Variants in PLAA observed in about 807,000 individuals in gnomAD.
PLAA encodes the protein phospholipase A2 activating protein.
PLAA carries 48 observed loss-of-function variants against 84.1 expected under a neutral mutation model. That is an observed-to-expected ratio of 0.57 (90% CI 0.45 to 0.73). The LOEUF (loss-of-function observed/expected upper bound fraction) is 0.73, where lower values mean the gene tolerates loss of function less well. Among genes scored for constraint, PLAA ranks in the 30% least tolerant of loss-of-function variants. PLAA has a pLI of 0.00. For synonymous variants in PLAA, 392 were observed against 336.6 expected (o/e 1.16, Z -1.80); for missense variants, 903 against 954.7 (o/e 0.95, Z 0.71).
intron 10 of PLAA, chr9:26,916,676 T>A (rs1824573250): frequency 1.0e-6 from 1 of 993,714 alleles, no homozygotes; most frequent in Non-Finnish European, 1.2e-6. Context: ...GCACTCATGC[T>A]GTGTCTTGGT....
rs146026696 is a variant in PLAA, at chr9:26,911,430, C to T, written c.1556-991G>A. Among the ~76,000 whole-genome samples, 764 of 152,224 alleles carry T rather than the reference C, an allele frequency of 5.0e-3. 3 individuals carry two copies. The highest frequency in any genetic ancestry group is 8.0e-3 in the Non-Finnish European group (541 of 68,006). ...CCTCCCAAAGTGCTGGGATTACAGG[C>T]ATAAGCCACCATGCCCAGCCTAATT... On this transcript the variant is annotated intron_variant, in intron 11 of 13. Coordinates refer to ENST00000397292, the MANE Select transcript of PLAA (RefSeq NM_001031689.3).
rs527938551 is a variant in PLAA at position 26,907,806 on chromosome 9, G to T, written c.1822+28C>A. 3.8e-6 allele frequency: 6 copies of T among 1,565,990 alleles called. No individual in the cohort carries two copies. In the South Asian group the frequency reaches 7.3e-5, roughly 19 times the overall value. On this transcript the variant is annotated intron_variant, in intron 13 of 13. Transcript: ENST00000397292. ...TGAAGATAAAACTTCTTGCTTTCTGGTTACATTTTTGAAGAGTGTTTATTT... is the reference window on the plus strand; with the variant it reads ...TGAAGATAAAACTTCTTGCTTTCTGTTTACATTTTTGAAGAGTGTTTATTT...
chr9:26,914,957 A>T (rs1267667788), intron 10 of PLAA, among the ~76,000 whole-genome samples: 1 of 152,250 alleles, frequency 6.6e-6, no homozygotes, highest in Non-Finnish European at 1.5e-5. Flanking sequence ...TCACGCCTGT[A>T]AACCCAGCAC....
At position 26,910,431 on chromosome 9, in the gene PLAA, C is replaced by T. The variant is rs772530492; in HGVS notation, c.1564G>A (p.Ala522Thr). 6.2e-7 allele frequency: 1 copy of T among 1,608,984 alleles called. No homozygotes were observed. Among genetic ancestry groups the T allele is most frequent in the Non-Finnish European group, 8.5e-7 (1 of 1,175,866 alleles). Reference protein sequence around the residue: ...AGVDPFTGNSAYRSAASKTMN... With the variant: ...AGVDPFTGNSTYRSAASKTMN... ...GTTTTAGATGCAGCTGATCGGTAGGCACTATTCCCTATTTAAAGAATAGAA... is the reference window on the plus strand; with the variant it reads ...GTTTTAGATGCAGCTGATCGGTAGGTACTATTCCCTATTTAAAGAATAGAA... The change falls in exon 12 of 14, where the codon GCC becomes ACC. Residue 522 changes from alanine to threonine, a missense_variant. By Grantham distance (58) the Ala-to-Thr change is moderately conservative (BLOSUM62 0). Coordinates refer to ENST00000397292, the MANE Select transcript of PLAA (RefSeq NM_001031689.3).
chr9:26,929,181 G>A (rs1372645586), intron 2 of PLAA, among the ~76,000 whole-genome samples: 2 of 151,868 alleles, frequency 1.3e-5, no homozygotes, highest in African/African-American at 4.8e-5. Context: ...ACGCCTGGGT[G>A]ACACAGCAAG....
chr9:26,926,921 C>G (rs1360365067), intron 4 of PLAA, among the ~76,000 whole-genome samples: 1 of 151,446 alleles, frequency 6.6e-6, no homozygotes, highest in African/African-American at 2.4e-5. Context: ...AAATATATAA[C>G]AAAGAGTAGC....
chr9:26,928,593 C>G (rs545605052), intron 2 of PLAA, among the ~76,000 whole-genome samples, 185 bp from the exon 3 acceptor site: 6 of 152,328 alleles, frequency 3.9e-5, no homozygotes, highest in Admixed American at 3.9e-4. Flanking sequence ...TGCCAGACTG[C>G]CTGGGCGCAA....
chr9:26,911,721 T>C (rs1355953215), intron 11 of PLAA, among the ~76,000 whole-genome samples: 1 of 152,250 alleles, frequency 6.6e-6, no homozygotes, highest in Non-Finnish European at 1.5e-5. Context: ...GACCTTCAAC[T>C]AAAGTATAAT....
At position 26,945,727 on chromosome 9, in the gene PLAA, C is replaced by T. The variant is rs1421817319; in HGVS notation, c.149+1170G>A. Among the ~76,000 whole-genome samples, 9 of 152,302 alleles carry T rather than the reference C, an allele frequency of 5.9e-5. No individual in the cohort carries two copies. The South Asian group carries it at 1.9e-3, about 32-fold the overall frequency. Reference sequence around the variant, plus strand: ...ACCTGGCTCTTGCCAGCCTCAAAACCTGCCCTCACCTCACAGCTAATTCCC... The same window carrying T: ...ACCTGGCTCTTGCCAGCCTCAAAACTTGCCCTCACCTCACAGCTAATTCCC... On this transcript the variant is annotated intron_variant, in intron 1 of 13. Transcript: ENST00000397292.
Position 26,905,334 on chromosome 9 carries a change from C to G in PLAA, c.*177G>C. On this transcript the variant is annotated 3_prime_UTR_variant, in exon 14 of 14. Coordinates refer to ENST00000397292, the MANE Select transcript of PLAA (RefSeq NM_001031689.3). ...ATCTACCCAAATTACACAGGAAAAT[C>G]TCACAGTTCAGCAGTGCAAAAATTT... The G allele has an allele frequency of 1.8e-6, 1 of 554,916 alleles. No individual in the cohort carries two copies. The highest frequency in any genetic ancestry group is 3.2e-6 in the Non-Finnish European group (1 of 316,812). 34.4% of individuals were successfully genotyped at this position (554,916 alleles called of 1,614,324 possible). A position where few individuals can be genotyped will look rare whatever the true frequency, so the allele number is the denominator to read the frequency against.
chr9:26,908,478 T>C (rs1171103121), intron 12 of PLAA, among the ~76,000 whole-genome samples: 3 of 149,286 alleles, frequency 2.0e-5, no homozygotes, highest in Non-Finnish European at 4.4e-5. Flanking sequence ...ATTATTATTA[T>C]TTTGAGATGG....
intron 10 of PLAA, chr9:26,916,717 G>A: frequency 1.0e-6 from 1 of 991,170 alleles, no homozygotes; most frequent in Non-Finnish European, 1.2e-6. Flanking sequence ...TAATTTCACA[G>A]ATAAAAAAAA....
At position 26,928,341 on chromosome 9, in the gene PLAA, G is replaced by C. The variant is rs770003723; in HGVS notation, c.411C>G (p.Val137=). 5 of 1,613,996 alleles carry C rather than the reference G, an allele frequency of 3.1e-6. No individual in the cohort carries two copies. The South Asian group carries it at 5.5e-5, about 18-fold the overall frequency. The stretch of plus-strand genomic sequence containing the variant: ...TCATCATGCACTTGTCATTCAGCCA[G>C]ACTTTAGCAGTGGTGTCCCATGAAC... ...LSGSWDTTAK[V]WLNDKCMMTL... The change falls in exon 3 of 14, where the codon GTC becomes GTG. Residue 137 remains valine, a synonymous_variant. Transcript: ENST00000397292.
chr9:26,920,144 A>C (rs1824712092), intron 8 of PLAA, 83 bp downstream of exon 8: 4 of 1,138,652 alleles, frequency 3.5e-6, no homozygotes. Flanking sequence ...AACAAAGGAA[A>C]TTTTATCACT....
intron 1 of PLAA, among the ~76,000 whole-genome samples, chr9:26,935,978 T>C (rs555034813): frequency 3.7e-4 from 57 of 152,006 alleles, no homozygotes; most frequent in Non-Finnish European, 6.8e-4. Context: ...ACTGCCTTAC[T>C]TAACAAGTTC....
chr9:26,916,578 G>A (rs1391743342), intron 10 of PLAA: 6 of 986,986 alleles, frequency 6.1e-6, no homozygotes, highest in Non-Finnish European at 7.2e-6. Context: ...TATGCCTGGG[G>A]AGACTTCTTG....
rs1368126452 is a variant in PLAA, at chr9:26,910,418, G to A, written c.1577C>T (p.Ala526Val). 6.2e-7 allele frequency: 1 copy of A among 1,612,686 alleles called. No individual in the cohort carries two copies. Among genetic ancestry groups the A allele is most frequent in the Admixed American group, 1.7e-5 (1 of 59,988 alleles). ...ATAAATATTCATTGTTTTAGATGCA[G>A]CTGATCGGTAGGCACTATTCCCTAT... ...PFTGNSAYRS[A>V]ASKTMNIYFP... The change falls in exon 12 of 14, where the codon GCT (alanine) becomes GTT (valine). Residue 526 changes from alanine to valine, a missense_variant. Transcript: ENST00000397292.
rs773630798 is a variant in PLAA, at chr9:26,920,368, C to G, written c.1056G>C (p.Gln352His). Residue 352 changes from glutamine to histidine, a missense_variant, in exon 8 of 14, where the codon CAG (glutamine) becomes CAC (histidine). Physicochemically the swap from Gln to His is conservative, Grantham distance 24. Transcript: ENST00000397292. ...TCTCCCCATCTCTGATTAGACGAGT[C>G]TGTCCTTCTCTAGTACCTTAAAATA... The part of the protein sequence containing the change: ...HLNEPGTREG[Q>H]TRLIRDGEKV... 3.7e-6 allele frequency: 6 copies of G among 1,611,196 alleles called. No individual in the cohort carries two copies. The highest frequency in any genetic ancestry group is 1.1e-5 in the South Asian group (1 of 90,684).
chr9:26,929,854 G>C lies in PLAA; in HGVS notation c.344-1446C>G, dbSNP rs563441423. On this transcript the variant is annotated intron_variant, in intron 2 of 13. Transcript: ENST00000397292. ...TTGGATTGTTTGATGAAGCTGAATCGTTGATGACCAGAAAGCATGCTGTGG... is the reference window on the plus strand; with the variant it reads ...TTGGATTGTTTGATGAAGCTGAATCCTTGATGACCAGAAAGCATGCTGTGG... 6.6e-5 allele frequency among the ~76,000 whole-genome samples: 10 copies of C among 152,228 alleles called. No individual in the cohort carries two copies. The South Asian group carries it at 2.1e-3, about 32-fold the overall frequency.
Sources: allele counts gnomAD v4.1 joint callset (sites outside exome capture counted in the v4.1 genomes callset), GRCh38; gene constraint gnomAD v4.1.1; transcripts MANE v1.5; gene names NCBI Gene and HGNC (gene_info 2026-07-23, HGNC 2026-07-21).